The following LRP1B variants were observed in gnomAD, a reference collection of about 807,000 sequenced individuals.
LRP1B encodes the protein LDL receptor related protein 1B.
A neutral mutation model predicts 556.6 loss-of-function variants in LRP1B; 217 were observed. The observed-to-expected ratio is 0.39, with a 90% CI of 0.35 to 0.44. The LOEUF (loss-of-function observed/expected upper bound fraction) is 0.44, where lower values mean the gene tolerates loss of function less well. Ranked by LOEUF, LRP1B falls within the 20% of genes least tolerant of loss-of-function variation. LRP1B has a pLI of 1.00. For missense variants in LRP1B, 5,053 were observed against 5,620.8 expected, an observed-to-expected ratio of 0.90 and a Z score of 3.23; for synonymous variants, 2,047 against 1,865.8, an observed-to-expected ratio of 1.10 and a Z score of -2.50.
At chr2:141,865,591 C>CA (rs78227528) in intron 1 of LRP1B, among the ~76,000 whole-genome samples, 12,462 of 42,164 alleles carry the variant, frequency 0.3, 1,299 homozygotes, top group African/African-American at 0.44. Context: ...GACTCCGTCT[C>CA]AAAAAAAAAA....
intron 68 of LRP1B, among the ~76,000 whole-genome samples, chr2:140,375,251 T>C (rs1185061568): frequency 6.6e-6 from 1 of 151,810 alleles, no homozygotes; most frequent in East Asian, 1.9e-4. Context: ...GCACAAATTG[T>C]CCCTTTTGTC....
intron 31 of LRP1B, among the ~76,000 whole-genome samples, chr2:140,826,521 G>A (rs902182565): frequency 5.3e-5 from 8 of 152,094 alleles, no homozygotes; most frequent in Non-Finnish European, 8.8e-5. Context: ...CAACATCCAG[G>A]AACTCAAGTC....
At chr2:141,601,647 T>TCC in intron 2 of LRP1B, among the ~76,000 whole-genome samples, 2 of 115,830 alleles carry the variant, frequency 1.7e-5, no homozygotes, top group African/African-American at 7.8e-5. Flanking sequence ...TCCTTCCTTT[T>TCC]TTTTTCCTTC....
chr2:141,183,938 C>T (rs762802869), intron 7 of LRP1B, among the ~76,000 whole-genome samples: 19 of 151,980 alleles, frequency 1.3e-4, no homozygotes, highest in Non-Finnish European at 2.4e-4. Flanking sequence ...TTGTTGAATA[C>T]TTTTGCAACA....
chr2:141,061,765 T>A (rs1468260155), intron 8 of LRP1B, among the ~76,000 whole-genome samples: 1 of 151,828 alleles, frequency 6.6e-6, no homozygotes, highest in African/African-American at 2.4e-5. Context: ...TTTTAATACT[T>A]TTCTTTCTTG....
chr2:140,445,488 G>A (rs1034433022), intron 63 of LRP1B, among the ~76,000 whole-genome samples: 42 of 152,000 alleles, frequency 2.8e-4, no homozygotes, highest in African/African-American at 9.9e-4. Flanking sequence ...CAGATTTATC[G>A]ATATTCATCC....
chr2:141,799,772 CTG>C (rs1055800245), intron 2 of LRP1B, among the ~76,000 whole-genome samples: 2 of 151,346 alleles, frequency 1.3e-5, no homozygotes, highest in African/African-American at 4.9e-5. Flanking sequence ...AGAAACTTCA[CTG>C]TTACGTTTAA....
chr2:141,711,952 GACACAC>G (rs3039230), intron 2 of LRP1B, among the ~76,000 whole-genome samples: 1 of 148,286 alleles, frequency 6.7e-6, no homozygotes, highest in Non-Finnish European at 1.5e-5. Context: ...AACACACACA[GACACAC>G]ACACACACAC....
chr2:141,882,127 G>A (rs1698978505), intron 1 of LRP1B, among the ~76,000 whole-genome samples: 1 of 152,078 alleles, frequency 6.6e-6, no homozygotes, highest in African/African-American at 2.4e-5. Flanking sequence ...ATGTGGACAG[G>A]TGATCCCTAA....
At chr2:140,642,809 C>A (rs189566678) in intron 41 of LRP1B, among the ~76,000 whole-genome samples, 1,845 of 152,074 alleles carry the variant, frequency 0.012, 34 homozygotes, top group African/African-American at 0.039. Context: ...GCGCCACTGC[C>A]CTCCAGCCTG....
At chr2:141,030,501 A>C (rs1436978441) in intron 11 of LRP1B, among the ~76,000 whole-genome samples, 2 of 152,148 alleles carry the variant, frequency 1.3e-5, no homozygotes, top group Non-Finnish European at 2.9e-5. Context: ...TTGACAGAAA[A>C]TATGCACATT....
chr2:142,096,857 A>G (rs1706389978), intron 1 of LRP1B, among the ~76,000 whole-genome samples: 1 of 151,494 alleles, frequency 6.6e-6, no homozygotes, highest in East Asian at 1.9e-4. Context: ...ATAGTTTTTT[A>G]ACCCTTTCTC....
In LRP1B at chr2:141,300,202, T is replaced by C. The variant is rs887356292; in HGVS notation, c.344-45561A>G. The stretch of plus-strand genomic sequence containing the variant: ...AAGCAAAATAAATATCTGTTGAATA[T>C]GAGCTATGCAGTCTATGGTACTCTG... On this transcript the variant is annotated intron_variant, in intron 3 of 90. Transcript: ENST00000389484. Among the ~76,000 whole-genome samples the C allele has an allele frequency of 2.6e-5, 4 of 152,318 alleles. No homozygotes were observed. In the South Asian group the frequency reaches 8.3e-4, roughly 32 times the overall value.
intron 3 of LRP1B, among the ~76,000 whole-genome samples, chr2:141,360,129 A>G (rs1407791182): frequency 6.6e-6 from 1 of 152,210 alleles, no homozygotes; most frequent in Non-Finnish European, 1.5e-5. Flanking sequence ...CTTCCAGTGA[A>G]GACCTGTATG....
chr2:140,258,308 T>TA (rs5834729), intron 86 of LRP1B, among the ~76,000 whole-genome samples: 63,953 of 147,796 alleles, frequency 0.43, 14,013 homozygotes, highest in Non-Finnish European at 0.5. Context: ...CCTTCTGCCT[T>TA]AAAAAAAAAA....
chr2:141,960,286 T>C (rs999821858), intron 1 of LRP1B, among the ~76,000 whole-genome samples: 2 of 151,824 alleles, frequency 1.3e-5, no homozygotes, highest in African/African-American at 4.8e-5. Context: ...GTCTTATCCC[T>C]GTTCCTCTGA....
chr2:140,705,555 A>ACG (rs1315403728), intron 37 of LRP1B, among the ~76,000 whole-genome samples: 1 of 137,882 alleles, frequency 7.3e-6, no homozygotes, highest in African/African-American at 2.7e-5. Flanking sequence ...AAAAAAAAAA[A>ACG]AAAAACACAG....
intron 1 of LRP1B, among the ~76,000 whole-genome samples, chr2:141,998,392 C>A (rs768290653): frequency 1.4e-4 from 21 of 152,086 alleles, no homozygotes; most frequent in Non-Finnish European, 2.8e-4. Flanking sequence ...GGCATGTGCT[C>A]TAGTGATACC....
chr2:142,041,693 C>G (rs1156991604), intron 1 of LRP1B, among the ~76,000 whole-genome samples: 1 of 151,402 alleles, frequency 6.6e-6, no homozygotes, highest in Non-Finnish European at 1.5e-5. Context: ...TTTTGTTGTA[C>G]TGGCTTGTAT....
Sources: allele counts gnomAD v4.1 joint callset (sites outside exome capture counted in the v4.1 genomes callset), GRCh38; gene constraint gnomAD v4.1.1; transcripts MANE v1.5; gene names NCBI Gene and HGNC (gene_info 2026-07-23, HGNC 2026-07-21).